The following ARHGAP21 variants were observed in gnomAD, a reference collection of about 807,000 sequenced individuals.
The protein encoded by ARHGAP21 is Rho GTPase activating protein 21.
Under a neutral mutation model 164.6 loss-of-function variants are expected in ARHGAP21, and 38 were observed. The observed-to-expected ratio is 0.23, with a 90% confidence interval of 0.18 to 0.30. The LOEUF (loss-of-function observed/expected upper bound fraction) is 0.30. ARHGAP21 is among the 10% of genes least tolerant of loss of function. ARHGAP21 has a pLI of 1.00. For synonymous variants in ARHGAP21, 766 were observed against 857.9 expected (o/e 0.89, Z 1.87); for missense variants, 1,822 against 2,370.7 (o/e 0.77, Z 4.81).
chr10:24,720,030 G>A (rs1845775310), intron 2 of ARHGAP21, among the ~76,000 whole-genome samples: 1 of 151,838 alleles, frequency 6.6e-6, no homozygotes, highest in Non-Finnish European at 1.5e-5. Flanking sequence ...TTTCACATAA[G>A]CAAAACACAG....
rs1266475385 is a variant in ARHGAP21 at position 24,723,590 on chromosome 10, C to A, written c.-409G>T. 1 of 147,472 alleles carries A rather than the reference C, an allele frequency of 6.8e-6. No homozygotes were observed. The highest frequency in any genetic ancestry group is 2.4e-5 in the African/African-American group (1 of 40,836). 9.1% of individuals were successfully genotyped at this position (147,472 alleles called of 1,614,324 possible). A position where few individuals can be genotyped will look rare whatever the true frequency, so the allele number is the denominator to read the frequency against. Reference sequence around the variant, plus strand: ...AGGAAGCGGGACGAGTGGATCCGCACGGGGCTGGCCGGCTCCGGGACAGCG... The same window carrying A: ...AGGAAGCGGGACGAGTGGATCCGCAAGGGGCTGGCCGGCTCCGGGACAGCG... On this transcript the variant is annotated 5_prime_UTR_variant, in exon 1 of 26. Transcript: ENST00000396432.
intron 2 of ARHGAP21, among the ~76,000 whole-genome samples, chr10:24,673,540 G>A (rs1006084267): frequency 2.6e-5 from 4 of 152,176 alleles, no homozygotes; most frequent in East Asian, 1.9e-4. Context: ...TCTGTAACTC[G>A]TATCACAAAC....
chr10:24,659,795 T>A (rs1489413370), intron 4 of ARHGAP21, among the ~76,000 whole-genome samples: 3 of 152,234 alleles, frequency 2.0e-5, no homozygotes, highest in African/African-American at 7.2e-5. Flanking sequence ...TGGGCCACTA[T>A]ACCCATCCAA....
At position 24,607,487 on chromosome 10, in the gene ARHGAP21, C is replaced by T. The variant is rs760203128; in HGVS notation, c.2684+12G>A. 2.5e-6 allele frequency: 4 copies of T among 1,607,046 alleles called. No homozygotes were observed. In the South Asian group the frequency reaches 3.3e-5, roughly 13 times the overall value. On this transcript the variant is annotated intron_variant, in intron 11 of 25. Coordinates refer to ENST00000396432, the MANE Select transcript of ARHGAP21 (RefSeq NM_020824.4). ...ACATACAAATATTTAAAATAATACA[C>T]CCGAGACTTACAATTTTGCATCTTC...
At chr10:24,692,170 G>A (rs768325673) in intron 2 of ARHGAP21, among the ~76,000 whole-genome samples, 100 of 152,192 alleles carry the variant, frequency 6.6e-4, no homozygotes, top group Non-Finnish European at 8.4e-4. Flanking sequence ...TGTTGGGAGG[G>A]AAGGACATAA....
At chr10:24,625,050 T>TGGGG (rs57313842) in intron 7 of ARHGAP21, among the ~76,000 whole-genome samples, 1 of 774 alleles carries the variant, frequency 1.3e-3, no homozygotes, top group African/African-American at 3.9e-3. Flanking sequence ...CTCTAAAAAG[T>TGGGG]GGGGGGGGGG....
At chr10:24,610,372 C>CAAAA (rs66658477) in intron 9 of ARHGAP21, among the ~76,000 whole-genome samples, 1 of 109,580 alleles carries the variant, frequency 9.1e-6, no homozygotes, top group African/African-American at 3.5e-5. Flanking sequence ...GACTCTGTCA[C>CAAAA]AAAAAAAAAA....
At chr10:24,640,973 G>C (rs185920464) in intron 4 of ARHGAP21, among the ~76,000 whole-genome samples, 1,621 of 152,248 alleles carry the variant, frequency 0.011, 13 homozygotes, top group Non-Finnish European at 0.017. Flanking sequence ...CTTCAGGAGA[G>C]AGAAACAGAG....
At chr10:24,718,059 T>G (rs544217969) in intron 2 of ARHGAP21, among the ~76,000 whole-genome samples, 1 of 152,172 alleles carries the variant, frequency 6.6e-6, no homozygotes, top group Non-Finnish European at 1.5e-5. Flanking sequence ...GTAGGGAATC[T>G]GTTTCTGTGG....
intron 2 of ARHGAP21, among the ~76,000 whole-genome samples, chr10:24,700,323 C>A (rs1357490133): frequency 3.3e-5 from 5 of 152,120 alleles, no homozygotes; most frequent in Admixed American, 2.6e-4. Context: ...TGTGGAAGTG[C>A]GCCGCAAGCA....
Position 24,585,135 on chromosome 10 carries a change from T to C in ARHGAP21, c.5154A>G (p.Leu1718=). The C allele has an allele frequency of 6.2e-7, 1 of 1,612,998 alleles. No individual in the cohort carries two copies. ...SARFKSDSGS[L]GDAKNEKEAP... is the part of the protein sequence containing the mutation. ...CTTCTTTCTCATTCTTGGCATCTCC[T>C]AGACTTCCACTATCTGACTTGAATC... is the stretch of plus-strand genomic sequence containing the variant. The change falls in exon 26 of 26, where the codon CTA becomes CTG. Residue 1718 remains leucine (L), a synonymous_variant. Coordinates refer to ENST00000396432, the MANE Select transcript of ARHGAP21 (RefSeq NM_020824.4).
In ARHGAP21 at chr10:24,619,618, T is replaced by G; in HGVS notation, c.2277A>C (p.Ala759=). The G allele has an allele frequency of 6.2e-7, 1 of 1,614,212 alleles. No individual in the cohort carries two copies. ...CTGACCCGGTCTCCTGGTCATTTAC[T>G]GCCAAGATGTAAGACTGATGCCTTA... ...QPLRHQSYIL[A]VNDQETGSDT... Residue 759 remains alanine (A), a synonymous_variant, in exon 9 of 26, where the codon GCA becomes GCC. Transcript: ENST00000396432.
intron 7 of ARHGAP21, among the ~76,000 whole-genome samples, chr10:24,625,872 T>C (rs1306714519): frequency 6.6e-6 from 1 of 152,158 alleles, no homozygotes; most frequent in Non-Finnish European, 1.5e-5. Context: ...GAGGTTCACG[T>C]TGTAATAACA....
At chr10:24,721,687 G>A in intron 2 of ARHGAP21, 150 bp downstream of exon 2, 1 of 784,494 alleles carries the variant, frequency 1.3e-6, no homozygotes, top group Non-Finnish European at 2.1e-6. Flanking sequence ...GCTTCTCCTC[G>A]CTACTGGTTA....
chr10:24,702,994 A>G (rs1256327005), intron 2 of ARHGAP21, among the ~76,000 whole-genome samples: 1 of 152,156 alleles, frequency 6.6e-6, no homozygotes, highest in Non-Finnish European at 1.5e-5. Context: ...CACACACATA[A>G]TACATAGTTT....
intron 2 of ARHGAP21, among the ~76,000 whole-genome samples, chr10:24,678,113 A>C (rs1197077881): frequency 6.6e-6 from 1 of 152,078 alleles, no homozygotes; most frequent in Non-Finnish European, 1.5e-5. Context: ...AAGGAAAAAA[A>C]AAAGAGAGAG....
At chr10:24,611,802 G>T (rs1158966438) in intron 9 of ARHGAP21, among the ~76,000 whole-genome samples, 4 of 152,138 alleles carry the variant, frequency 2.6e-5, no homozygotes, top group Admixed American at 6.5e-5. Flanking sequence ...ATGGAACCAG[G>T]TCTACCACAG....
chr10:24,629,735 C>T (rs772988085), intron 7 of ARHGAP21: 33 of 484,480 alleles, frequency 6.8e-5, no homozygotes, highest in Non-Finnish European at 1.1e-4. Flanking sequence ...CTAGGACAAA[C>T]TCTTTAGGAA....
chr10:24,683,799 T>A lies in ARHGAP21; in HGVS notation c.64-13402A>T, dbSNP rs187891520. On this transcript the variant is annotated intron_variant, in intron 2 of 25. Transcript: ENST00000396432. ...CCTTCCCTTTGGACATGCACACATCTCACACAATGTTTTACCTGCAAAGTT... is the reference window on the plus strand; with the variant it reads ...CCTTCCCTTTGGACATGCACACATCACACACAATGTTTTACCTGCAAAGTT... Among the ~76,000 whole-genome samples, 274 of 152,314 alleles carry A rather than the reference T, an allele frequency of 1.8e-3. 1 individual carries two copies. Among genetic ancestry groups the A allele is most frequent in the African/African-American group, 6.4e-3 (266 of 41,570 alleles).
Sources: allele counts gnomAD v4.1 joint callset (sites outside exome capture counted in the v4.1 genomes callset), GRCh38; gene constraint gnomAD v4.1.1; transcripts MANE v1.5; gene names NCBI Gene and HGNC (gene_info 2026-07-23, HGNC 2026-07-21).